NEMP2: variants seen among roughly 807,000 people sequenced by gnomAD.
The protein encoded by NEMP2 is nuclear envelope integral membrane protein 2.
In NEMP2, 53 loss-of-function variants were observed where a neutral mutation model predicts 54.2. The observed-to-expected ratio is 0.98, with a 90% CI of 0.78 to 1.23. The LOEUF is 1.23. Ranked by LOEUF, NEMP2 falls within the 50% of genes most tolerant of loss-of-function variation. NEMP2 has a pLI of 0.00. For missense variants in NEMP2, 455 were observed against 511.3 expected, an observed-to-expected ratio of 0.89 and a Z score of 1.06; for synonymous variants, 197 against 190.3, an observed-to-expected ratio of 1.04 and a Z score of -0.29.
At chr2:190,515,863 A>G (rs897074843) in intron 6 of NEMP2, among the ~76,000 whole-genome samples, 6 of 152,220 alleles carry the variant, frequency 3.9e-5, no homozygotes, top group African/African-American at 1.2e-4. Context: ...TTCATTAGTA[A>G]TTTATAGTTA....
intron 5 of NEMP2, 130 bp downstream of exon 5, chr2:190,517,390 G>T: frequency 1.6e-6 from 1 of 633,644 alleles, no homozygotes; most frequent in Non-Finnish European, 2.6e-6. Context: ...ACATTTTAGA[G>T]CCAGTTTACA....
chr2:190,450,930 G>A, the NEMP2 span, among the ~76,000 whole-genome samples: 1 of 152,202 alleles, frequency 6.6e-6, no homozygotes, highest in Non-Finnish European at 1.5e-5. Flanking sequence ...TGTGGTTGCT[G>A]AGTACAGTGA....
At chr2:190,587,744 T>G in the NEMP2 span, among the ~76,000 whole-genome samples, 1 of 152,132 alleles carries the variant, frequency 6.6e-6, no homozygotes, top group East Asian at 1.9e-4. The surrounding 1 kb of genome is among the most constrained non-coding windows in gnomAD (Gnocchi z 5.4). Flanking sequence ...GAGAAGGAAT[T>G]GAGAAGGTAA....
the NEMP2 span, among the ~76,000 whole-genome samples, chr2:190,602,315 G>C: frequency 6.6e-6 from 1 of 152,176 alleles, no homozygotes; most frequent in African/African-American, 2.4e-5. Flanking sequence ...AGGGCATCAG[G>C]CTGGAAACGC....
upstream of NEMP2, chr2:190,535,054 C>T (rs1390969497): frequency 1.8e-5 from 3 of 166,892 alleles, no homozygotes; most frequent in African/African-American, 4.8e-5. Context: ...GTCGCTAACC[C>T]GGAGTGTTTC....
chr2:190,588,763 T>C, the NEMP2 span, among the ~76,000 whole-genome samples: 7 of 152,202 alleles, frequency 4.6e-5, no homozygotes, highest in Non-Finnish European at 5.9e-5. The surrounding 1 kb of genome is among the most constrained non-coding windows in gnomAD (Gnocchi z 5.0). Flanking sequence ...GCCCTCATTA[T>C]ATAGATGACA....
the NEMP2 span, chr2:190,436,430 T>C: frequency 1.2e-6 from 2 of 1,614,172 alleles, no homozygotes; most frequent in Non-Finnish European, 1.7e-6. This position sits in a 1 kb window ranked among gnomAD's most constrained non-coding sequence, Gnocchi z 5.3. Flanking sequence ...GGCAAAATTG[T>C]CCTCCTCTTT....
the NEMP2 span, chr2:190,626,464 G>C: frequency 3.3e-5 from 5 of 152,148 alleles, 1 homozygote; most frequent in Non-Finnish European, 7.3e-5. This position sits in a 1 kb window ranked among gnomAD's most constrained non-coding sequence, Gnocchi z 4.5. Flanking sequence ...GAGAGAGAGA[G>C]AGAAAGAGAG....
chr2:190,636,549 A>G, the NEMP2 span, among the ~76,000 whole-genome samples: 3 of 152,384 alleles, frequency 2.0e-5, no homozygotes, highest in East Asian at 5.8e-4. Flanking sequence ...CACTAAGCGT[A>G]TGTCGTAATG....
At chr2:190,603,959 C>A in the NEMP2 span, among the ~76,000 whole-genome samples, 1 of 152,158 alleles carries the variant, frequency 6.6e-6, no homozygotes, top group Non-Finnish European at 1.5e-5. Flanking sequence ...TTCATTCTTT[C>A]TTCTAATCAA....
chr2:190,475,092 A>G, the NEMP2 span, among the ~76,000 whole-genome samples: 1 of 152,244 alleles, frequency 6.6e-6, no homozygotes, highest in African/African-American at 2.4e-5. Flanking sequence ...TCTATGACAA[A>G]CCCACAGCCA....
chr2:190,592,630 T>C, the NEMP2 span, among the ~76,000 whole-genome samples: 1 of 152,206 alleles, frequency 6.6e-6, no homozygotes, highest in African/African-American at 2.4e-5. The surrounding 1 kb of genome is among the most constrained non-coding windows in gnomAD (Gnocchi z 4.4). Context: ...CCTTACCTAC[T>C]ATAATATTTT....
the NEMP2 span, among the ~76,000 whole-genome samples, chr2:190,567,885 G>T: frequency 6.6e-6 from 1 of 152,122 alleles, no homozygotes; most frequent in Non-Finnish European, 1.5e-5. The surrounding 1 kb of genome is among the most constrained non-coding windows in gnomAD (Gnocchi z 4.0). Flanking sequence ...TTGACCTTGC[G>T]ATTCGCCCGC....
At chr2:190,458,267 T>G in the NEMP2 span, among the ~76,000 whole-genome samples, 1 of 152,266 alleles carries the variant, frequency 6.6e-6, no homozygotes, top group South Asian at 2.1e-4. The surrounding 1 kb of genome is among the most constrained non-coding windows in gnomAD (Gnocchi z 5.3). Flanking sequence ...TTAGGGTCTT[T>G]AAGGATGTCA....
At chr2:190,612,152 C>CTT in the NEMP2 span, among the ~76,000 whole-genome samples, 84 of 115,776 alleles carry the variant, frequency 7.3e-4, no homozygotes, top group African/African-American at 9.4e-4. Flanking sequence ...AAACATCCCT[C>CTT]TTTTTTTTTT....
At chr2:190,437,000 A>C in the NEMP2 span, 4 of 1,614,214 alleles carry the variant, frequency 2.5e-6, no homozygotes, top group Non-Finnish European at 3.4e-6. The surrounding 1 kb of genome is among the most constrained non-coding windows in gnomAD (Gnocchi z 5.3). Flanking sequence ...AGAGATCGCT[A>C]TGGGTTGCAG....
the NEMP2 span, among the ~76,000 whole-genome samples, chr2:190,474,227 GA>G: frequency 6.6e-6 from 1 of 152,064 alleles, no homozygotes; most frequent in Non-Finnish European, 1.5e-5. Flanking sequence ...GAGCAGAACT[GA>G]AGGAAATAGA....
the NEMP2 span, among the ~76,000 whole-genome samples, chr2:190,587,490 A>G: frequency 6.6e-6 from 1 of 152,170 alleles, no homozygotes; most frequent in East Asian, 1.9e-4. This position sits in a 1 kb window ranked among gnomAD's most constrained non-coding sequence, Gnocchi z 5.4. Context: ...TTTTCCATGA[A>G]ACTATGGCAG....
the NEMP2 span, among the ~76,000 whole-genome samples, chr2:190,607,088 G>C: frequency 2.0e-4 from 31 of 152,202 alleles, no homozygotes; most frequent in Non-Finnish European, 4.1e-4. This position sits in a 1 kb window ranked among gnomAD's most constrained non-coding sequence, Gnocchi z 5.2. Flanking sequence ...CCCATGGCGG[G>C]TGCTGAAGGC....
Sources: allele counts gnomAD v4.1 joint callset (sites outside exome capture counted in the v4.1 genomes callset), GRCh38; gene constraint gnomAD v4.1.1; non-coding constraint Gnocchi (gnomAD v3.1); transcripts MANE v1.5; gene names NCBI Gene and HGNC (gene_info 2026-07-23, HGNC 2026-07-21).